Variants in SPMIP4 observed in about 807,000 individuals in gnomAD.
SPMIP4 encodes the protein sperm-associated microtubule inner protein 4.
the SPMIP4 span, chr7:25,142,751 G>A: frequency 1.9e-6 from 3 of 1,598,308 alleles, no homozygotes; most frequent in African/African-American, 2.7e-5. Context: ...GAAGTGTTAG[G>A]AGCGAAGGTT....
the SPMIP4 span, among the ~76,000 whole-genome samples, chr7:25,178,270 C>T: frequency 6.6e-6 from 1 of 152,206 alleles, no homozygotes; most frequent in South Asian, 2.1e-4. Context: ...GATGAACATA[C>T]TTGTGCATGT....
the SPMIP4 span, among the ~76,000 whole-genome samples, chr7:25,143,212 G>C: frequency 2.0e-5 from 3 of 152,136 alleles, no homozygotes; most frequent in Admixed American, 1.3e-4. Context: ...GAAACCATTT[G>C]ATGTCTTTTA....
chr7:25,168,463 T>A, the SPMIP4 span: 6 of 1,575,146 alleles, frequency 3.8e-6, no homozygotes, highest in Non-Finnish European at 5.1e-6. Context: ...TAATTCCTGA[T>A]ACCTGTGAAA....
chr7:25,172,703 TA>T, the SPMIP4 span, among the ~76,000 whole-genome samples: 1 of 152,134 alleles, frequency 6.6e-6, no homozygotes, highest in East Asian at 1.9e-4. This position sits in a 1 kb window ranked among gnomAD's most constrained non-coding sequence, Gnocchi z 4.2. Flanking sequence ...GGAACTTGGA[TA>T]AATTTGGAGG....
chr7:25,126,596 T>G, the SPMIP4 span, among the ~76,000 whole-genome samples: 14 of 152,364 alleles, frequency 9.2e-5, no homozygotes, highest in Non-Finnish European at 1.9e-4. Context: ...CTCCCCACTT[T>G]TAAAACTTTT....
chr7:25,149,338 G>A, the SPMIP4 span, among the ~76,000 whole-genome samples: 4 of 152,154 alleles, frequency 2.6e-5, no homozygotes, highest in African/African-American at 2.4e-5. Flanking sequence ...GGAAGGACAA[G>A]TATAGGGTAT....
chr7:25,141,744 T>C, the SPMIP4 span, among the ~76,000 whole-genome samples: 7 of 151,618 alleles, frequency 4.6e-5, no homozygotes, highest in South Asian at 4.2e-4. Context: ...AGAAAAGAAA[T>C]CTCTTTTTTT....
chr7:25,179,428 G>A, the SPMIP4 span: 1 of 1,032,030 alleles, frequency 9.7e-7, no homozygotes. Context: ...ACGCTGCACA[G>A]ACGTCACAGG....
At chr7:25,176,883 T>G in the SPMIP4 span, among the ~76,000 whole-genome samples, 2 of 152,264 alleles carry the variant, frequency 1.3e-5, no homozygotes, top group Admixed American at 6.5e-5. The surrounding 1 kb of genome is among the most constrained non-coding windows in gnomAD (Gnocchi z 4.4). Flanking sequence ...TGTGGAAGTC[T>G]GATCGAGATG....
At chr7:25,133,815 A>G in the SPMIP4 span, among the ~76,000 whole-genome samples, 1 of 152,238 alleles carries the variant, frequency 6.6e-6, no homozygotes, top group African/African-American at 2.4e-5. Flanking sequence ...AATGTGTACT[A>G]GAACATTTCA....
the SPMIP4 span, among the ~76,000 whole-genome samples, chr7:25,156,607 C>T: frequency 5.3e-5 from 8 of 152,274 alleles, no homozygotes; most frequent in East Asian, 1.9e-4. Context: ...TCCTGTGGCA[C>T]GGAGGATACT....
the SPMIP4 span, chr7:25,142,166 C>T: frequency 1.3e-5 from 14 of 1,064,638 alleles, no homozygotes; most frequent in South Asian, 1.9e-4. Context: ...AAACCCAGGA[C>T]ACAAAAAGTG....
At chr7:25,158,535 A>G in the SPMIP4 span, 1 of 1,608,608 alleles carries the variant, frequency 6.2e-7, no homozygotes, top group African/African-American at 1.3e-5. Context: ...GGTATCCTAG[A>G]ATAAAAACAG....
the SPMIP4 span, chr7:25,168,377 G>C: frequency 6.2e-7 from 1 of 1,613,182 alleles, no homozygotes; most frequent in East Asian, 2.2e-5. Flanking sequence ...TGGTCCTCGG[G>C]GAGTGAAATC....
At chr7:25,142,320 A>G in the SPMIP4 span, 1 of 1,608,976 alleles carries the variant, frequency 6.2e-7, no homozygotes, top group South Asian at 1.1e-5. Context: ...AAGGGGGTCC[A>G]TGGGCCCCAG....
chr7:25,166,810 G>T, the SPMIP4 span, among the ~76,000 whole-genome samples: 612 of 152,128 alleles, frequency 4.0e-3, 9 homozygotes, highest in African/African-American at 0.014. Context: ...CAGGAGAATT[G>T]CTTGAACTCA....
chr7:25,168,343 C>T, the SPMIP4 span: 15 of 1,612,738 alleles, frequency 9.3e-6, no homozygotes, highest in South Asian at 5.5e-5. Flanking sequence ...GCCCATGACA[C>T]GAGGAGGCTC....
At chr7:25,136,454 T>C in the SPMIP4 span, 3 of 1,614,220 alleles carry the variant, frequency 1.9e-6, no homozygotes, top group Non-Finnish European at 2.5e-6. The surrounding 1 kb of genome is among the most constrained non-coding windows in gnomAD (Gnocchi z 5.7). Context: ...TCTGTGATTT[T>C]TGGAAATGGC....
the SPMIP4 span, among the ~76,000 whole-genome samples, chr7:25,154,814 C>A: frequency 6.6e-6 from 1 of 152,152 alleles, no homozygotes; most frequent in Admixed American, 6.6e-5. Flanking sequence ...TTTGGGAGCA[C>A]CTGCAGAGAG....
Sources: gnomAD v4.1 joint callset for allele counts (sites outside exome capture counted in the v4.1 genomes callset) on GRCh38, gnomAD v4.1.1 for gene constraint, Gnocchi (gnomAD v3.1) non-coding constraint, MANE v1.5 for transcripts, NCBI Gene and HGNC (gene_info 2026-07-23, HGNC 2026-07-21) for gene names.